Variants in FXYD5 observed in about 807,000 individuals in gnomAD.
The protein encoded by FXYD5 is FXYD domain-containing ion transport regulator 5.
Under a neutral mutation model 25.7 loss-of-function variants are expected in FXYD5, and 21 were observed. The observed-to-expected ratio is 0.82, with a 90% CI of 0.58 to 1.18. The LOEUF is 1.18. Ranked by LOEUF, FXYD5 falls within the 50% of genes most tolerant of loss-of-function variation. The pLI is 0.00. For synonymous variants in FXYD5, 101 were observed against 90.7 expected, an observed-to-expected ratio of 1.11 and a Z score of -0.64; for missense variants, 229 against 227.7, an observed-to-expected ratio of 1.01 and a Z score of -0.04.
chr19:35,164,174 C>T lies in FXYD5; in HGVS notation c.311C>T (p.Thr104Ile), dbSNP rs1451396257. 1 of 1,613,270 alleles carries T rather than the reference C, an allele frequency of 6.2e-7. No individual in the cohort carries two copies. Among genetic ancestry groups the T allele is most frequent in the Non-Finnish European group, 8.5e-7 (1 of 1,179,802 alleles). Residue 104 changes from threonine (T) to isoleucine (I), a missense_variant, in exon 6 of 9, where the codon ACC becomes ATC. Transcript: ENST00000392219. ...STKAAHPTDD[T>I]TTLSERPSPS... ...CTCTCAGCTCATCCCACTGATGACA[C>T]CACGACGCTCTCTGAGAGACCATCC... is the stretch of plus-strand genomic sequence containing the variant.
chr19:35,159,553 G>C, intron 4 of FXYD5: 1 of 1,550,584 alleles, frequency 6.4e-7, no homozygotes. Flanking sequence ...CACACTTCTT[G>C]ATGAACATGT....
At chr19:35,160,391 C>G (rs903528054) in intron 4 of FXYD5, among the ~76,000 whole-genome samples, 1 of 151,948 alleles carries the variant, frequency 6.6e-6, no homozygotes, top group Non-Finnish European at 1.5e-5. Flanking sequence ...CTCTTGTTGC[C>G]CAGGTCGCTG....
chr19:35,157,923 G>A (rs1174086200), intron 3 of FXYD5, among the ~76,000 whole-genome samples: 1 of 152,226 alleles, frequency 6.6e-6, no homozygotes, highest in African/African-American at 2.4e-5. Flanking sequence ...CCAGGCCTGG[G>A]TTCCATGTCC....
intron 2 of FXYD5, among the ~76,000 whole-genome samples, chr19:35,156,574 A>T (rs1157606707): frequency 6.6e-6 from 1 of 152,132 alleles, no homozygotes; most frequent in Non-Finnish European, 1.5e-5. Flanking sequence ...ACTTGGAGGA[A>T]ATGAGGGAAT....
chr19:35,166,743 A>C (rs2065454538), intron 8 of FXYD5: 1 of 231,738 alleles, frequency 4.3e-6, no homozygotes, highest in Admixed American at 5.6e-5. Context: ...GGCCATTATC[A>C]CTTCTGCCTC....
chr19:35,168,874 C>T (rs1232553596), intron 8 of FXYD5, among the ~76,000 whole-genome samples: 3 of 152,056 alleles, frequency 2.0e-5, no homozygotes, highest in Non-Finnish European at 4.4e-5. Context: ...ACCAGCTTGG[C>T]CAACATGGTG....
intron 5 of FXYD5, among the ~76,000 whole-genome samples, chr19:35,161,495 G>C (rs973296823): frequency 6.6e-6 from 1 of 152,170 alleles, no homozygotes; most frequent in Non-Finnish European, 1.5e-5. Context: ...GCCTAGAATT[G>C]ACTCTCATTG....
chr19:35,163,215 A>G (rs1415469841), intron 5 of FXYD5, among the ~76,000 whole-genome samples: 1 of 152,140 alleles, frequency 6.6e-6, no homozygotes, highest in Non-Finnish European at 1.5e-5. Flanking sequence ...CCTCTGGGCA[A>G]TGCATTCCCT....
At chr19:35,155,462 G>A (rs1212196382) in intron 1 of FXYD5, 89 bp from the exon 2 acceptor site, 2 of 1,086,376 alleles carry the variant, frequency 1.8e-6, no homozygotes, top group African/African-American at 3.1e-5. Context: ...TTTGCTCAGG[G>A]CAGGGAAAGG....
chr19:35,157,929 T>C (rs981403470), intron 3 of FXYD5, among the ~76,000 whole-genome samples: 4 of 152,210 alleles, frequency 2.6e-5, no homozygotes, highest in African/African-American at 9.7e-5. Context: ...CTGGGTTCCA[T>C]GTCCAACCTC....
chr19:35,163,454 G>A (rs890958229), intron 5 of FXYD5, among the ~76,000 whole-genome samples: 11 of 151,668 alleles, frequency 7.3e-5, no homozygotes, highest in African/African-American at 2.7e-4. Context: ...TTCGGTCTGG[G>A]GGCAGAGGTG....
At chr19:35,169,340 A>G (rs1022705007) in intron 8 of FXYD5, among the ~76,000 whole-genome samples, 3 of 151,904 alleles carry the variant, frequency 2.0e-5, no homozygotes, top group Admixed American at 6.6e-5. Flanking sequence ...GAGATACAAA[A>G]TAATGGGAGT....
At chr19:35,157,379 G>T (rs1285303759) in intron 2 of FXYD5, 42 bp from the exon 3 acceptor site, 7 of 1,081,020 alleles carry the variant, frequency 6.5e-6, no homozygotes, top group Non-Finnish European at 1.0e-5. Context: ...TGAGAGGAGG[G>T]GGACCAGGCT....
At chr19:35,155,636 C>T (rs1315674357) in intron 2 of FXYD5, 25 bp downstream of exon 2, 1 of 1,568,372 alleles carries the variant, frequency 6.4e-7, no homozygotes, top group Admixed American at 1.7e-5. Flanking sequence ...TGGCCTCCAC[C>T]CTGCCCCAGA....
At position 35,164,136 on chromosome 19, in the gene FXYD5, T is replaced by G; in HGVS notation, c.293-20T>G. On this transcript the variant is annotated intron_variant, in intron 5 of 8. Transcript: ENST00000392219. ...TCCATGGCTCACTCCTGCCCTCCAC[T>G]GATCTGGCCACTCTCTCAGCTCATC... is the stretch of plus-strand genomic sequence containing the variant. The G allele has an allele frequency of 6.2e-7, 1 of 1,613,432 alleles. No individual in the cohort carries two copies. Among genetic ancestry groups the G allele is most frequent in the Non-Finnish European group, 8.5e-7 (1 of 1,179,854 alleles).
intron 3 of FXYD5, among the ~76,000 whole-genome samples, chr19:35,158,108 A>G (rs2065373136): frequency 2.0e-5 from 3 of 152,250 alleles, no homozygotes. Context: ...GACAATTTGC[A>G]GCCAGCATCT....
intron 6 of FXYD5, among the ~76,000 whole-genome samples, chr19:35,165,855 A>T (rs931804753): frequency 6.6e-6 from 1 of 152,098 alleles, no homozygotes; most frequent in African/African-American, 2.4e-5. Context: ...ATGTCTAGGG[A>T]AAGTGTGTTC....
intron 3 of FXYD5, among the ~76,000 whole-genome samples, chr19:35,157,960 C>T (rs1277014318): frequency 1.3e-5 from 2 of 152,150 alleles, no homozygotes; most frequent in Admixed American, 6.5e-5. Context: ...GGTGTCAGCC[C>T]CGCTGAATAA....
intron 2 of FXYD5, 60 bp from the exon 3 acceptor site, chr19:35,157,361 G>A (rs12980648): frequency 0.14 from 118,483 of 849,254 alleles, 9,462 homozygotes; most frequent in East Asian, 0.26. Flanking sequence ...AGGCGAGGGC[G>A]GGGGTGGTGA....
Sources: gnomAD v4.1 joint callset for allele counts (sites outside exome capture counted in the v4.1 genomes callset) on GRCh38, gnomAD v4.1.1 for gene constraint, MANE v1.5 for transcripts, NCBI Gene and HGNC (gene_info 2026-07-23, HGNC 2026-07-21) for gene names.